The following PTCD1 variants were observed in gnomAD, a reference collection of about 807,000 sequenced individuals.
The protein encoded by PTCD1 is pentatricopeptide repeat domain 1, also known as pentatricopeptide repeat-containing protein 1, mitochondrial.
Under a neutral mutation model 53.4 loss-of-function variants are expected in PTCD1, and 50 were observed. The observed-to-expected ratio is 0.94, with a 90% CI of 0.75 to 1.19. The LOEUF is 1.19. PTCD1 is among the 50% of genes most tolerant of loss of function. The probability of loss-of-function intolerance (pLI) is 0.00; values close to 1 mark genes in which losing one functional copy is unlikely to be tolerated. For missense variants in PTCD1, 918 were observed against 904.8 expected (o/e 1.01, Z -0.19); for synonymous variants, 413 against 394.8 (o/e 1.05, Z -0.55).
chr7:99,432,927 T>G (rs187694028), intron 3 of PTCD1: 181 of 399,946 alleles, frequency 4.5e-4, no homozygotes, highest in African/African-American at 3.5e-3. Flanking sequence ...TACACACCTG[T>G]GCTCACAGCT....
chr7:99,419,258 CAAGG>C lies in PTCD1; in HGVS notation c.*705_*708del, dbSNP rs1336426642. The C allele has an allele frequency of 5.3e-6, 6 of 1,126,332 alleles. No individual in the cohort carries two copies. The highest frequency in any genetic ancestry group is 7.8e-6 in the Non-Finnish European group (6 of 768,146). 69.8% of individuals were successfully genotyped at this position (1,126,332 alleles called of 1,614,324 possible). The stretch of plus-strand genomic sequence containing the variant: ...CCAAATTTTCCCTGTCCAGAGCTGT[CAAGG>C]AAGGGTTTCTGAGGTGTGTCCCTAT... On this transcript the variant is annotated 3_prime_UTR_variant, in exon 8 of 8. Transcript: ENST00000292478.
chr7:99,431,331 T>C (rs1796241647), intron 3 of PTCD1, among the ~76,000 whole-genome samples: 1 of 151,934 alleles, frequency 6.6e-6, no homozygotes. Context: ...GGTTTCACCA[T>C]GTTGGCCAGG....
chr7:99,429,454 ACCCCAGGG>A, intron 4 of PTCD1, 126 bp downstream of exon 4: 11 of 1,362,142 alleles, frequency 8.1e-6, no homozygotes, highest in Non-Finnish European at 1.1e-5. Flanking sequence ...CCATCTGTGA[ACCCCAGGG>A]CCCAATACCG....
At chr7:99,424,237 C>T (rs1795933040) in intron 6 of PTCD1, among the ~76,000 whole-genome samples, 2 of 152,348 alleles carry the variant, frequency 1.3e-5, no homozygotes, top group Middle Eastern at 6.8e-3. Flanking sequence ...TCCTTGCTCC[C>T]TGGGGTGGGC....
chr7:99,426,262 G>A (rs1796018772), intron 5 of PTCD1, among the ~76,000 whole-genome samples: 1 of 151,876 alleles, frequency 6.6e-6, no homozygotes, highest in South Asian at 2.1e-4. Flanking sequence ...TGTAACTGCT[G>A]CCATCTCGGC....
In PTCD1 at chr7:99,425,152, G is replaced by GGTGGTCACCGTTCCAAAGGAGACCACT. The variant is rs1795968104; in HGVS notation, c.1353_1379dup (p.Val452_Thr460dup). ...CTATCAAGGCCAGCCGGTCAGCTGG[G>GGTGGTCACCGTTCCAAAGGAGACCACT]GTGGTCACCGTTCCAAAGGAGACCA... On this transcript the variant is annotated inframe_insertion, in exon 6 of 8. Coordinates refer to ENST00000292478, the MANE Select transcript of PTCD1 (RefSeq NM_015545.4). The GGTGGTCACCGTTCCAAAGGAGACCACT allele has an allele frequency of 6.2e-7, 1 of 1,613,900 alleles. No individual in the cohort carries two copies. Among genetic ancestry groups the GGTGGTCACCGTTCCAAAGGAGACCACT allele is most frequent in the African/African-American group, 1.3e-5 (1 of 74,932 alleles).
chr7:99,434,899 C>T lies in PTCD1; in HGVS notation c.344G>A (p.Gly115Glu). Residue 115 changes from glycine (G) to glutamate (E), a missense_variant, in exon 2 of 8, where the codon GGG (glycine) becomes GAG (glutamate). Physicochemically the swap from Gly to Glu is moderately conservative, Grantham distance 98 (BLOSUM62 -2). Transcript: ENST00000292478. ...TTCCATTTGCTCATCTCTCCGTTCC[C>T]CAAACCGCAGGTTATGGAACTGGGC... ...SAAQFHNLRF[G>E]ERRDEQMEPE... The T allele has an allele frequency of 6.2e-7, 1 of 1,614,226 alleles. No individual in the cohort carries two copies. The highest frequency in any genetic ancestry group is 2.2e-5 in the East Asian group (1 of 44,888).
chr7:99,433,040 GT>G (rs1315465198), intron 3 of PTCD1: 119 of 590,934 alleles, frequency 2.0e-4, no homozygotes, highest in Middle Eastern at 4.6e-4. Context: ...GGCTCCCTCT[GT>G]TTTTTTTTGA....
chr7:99,432,943 C>A (rs1470999105), intron 3 of PTCD1: 3 of 420,724 alleles, frequency 7.1e-6, no homozygotes, highest in South Asian at 4.3e-5. Context: ...CAGCTACTGG[C>A]GAGGCTGAGG....
At chr7:99,435,977 G>A (rs1796452175) in intron 1 of PTCD1, among the ~76,000 whole-genome samples, 1 of 151,662 alleles carries the variant, frequency 6.6e-6, no homozygotes, top group Non-Finnish European at 1.5e-5. Context: ...AAGAAGTATG[G>A]GCCCAGAGGT....
Position 99,419,944 on chromosome 7 carries a change from A to G in PTCD1, c.*23T>C. 2 of 1,613,950 alleles carry G rather than the reference A, an allele frequency of 1.2e-6. No individual in the cohort carries two copies. Among genetic ancestry groups the G allele is most frequent in the Non-Finnish European group, 1.7e-6 (2 of 1,179,996 alleles). On this transcript the variant is annotated 3_prime_UTR_variant, in exon 8 of 8. Transcript: ENST00000292478. ...TCCCACAGAGCACTGGGGGCCGAGC[A>G]CATTGTTCCAGCTGTGCTCCCATCA...
At chr7:99,436,049 G>C (rs983550997) in intron 1 of PTCD1, among the ~76,000 whole-genome samples, 3 of 152,022 alleles carry the variant, frequency 2.0e-5, no homozygotes, top group African/African-American at 7.2e-5. Context: ...GTGCTCAAGC[G>C]ATCCTCCCAT....
Position 99,429,106 on chromosome 7 carries a change from G to A in PTCD1, c.912C>T (p.Leu304=). 1.9e-6 allele frequency: 3 copies of A among 1,614,166 alleles called. No homozygotes were observed. The highest frequency in any genetic ancestry group is 2.5e-6 in the Non-Finnish European group (3 of 1,180,018). ...QDKKTGFRYA[L]QVWRLMLSLG... ...AGGTGGGGTGGGAGGGACATACCTG[G>A]AGGGCGTACCGGAAGCCTGTCTTCT... Residue 304 remains leucine (L), a synonymous_variant, in exon 5 of 8, where the codon CTC becomes CTT. Coordinates refer to ENST00000292478, the MANE Select transcript of PTCD1 (RefSeq NM_015545.4).
intron 1 of PTCD1, among the ~76,000 whole-genome samples, chr7:99,436,450 G>A (rs1796468452): frequency 6.6e-6 from 1 of 152,108 alleles, no homozygotes; most frequent in African/African-American, 2.4e-5. Context: ...CCCTATCTCT[G>A]CCGAAAATAT....
chr7:99,421,984 T>C (rs770787208), intron 7 of PTCD1, among the ~76,000 whole-genome samples: 1 of 152,180 alleles, frequency 6.6e-6, no homozygotes, highest in Non-Finnish European at 1.5e-5. Flanking sequence ...TTTAGGTCTA[T>C]GATAGTCTTG....
chr7:99,437,310 A>ATTTAT (rs1170501282), intron 1 of PTCD1, among the ~76,000 whole-genome samples: 2 of 151,854 alleles, frequency 1.3e-5, no homozygotes, highest in Non-Finnish European at 2.9e-5. Context: ...CCCTATCATA[A>ATTTAT]TTTCTTTTCT....
intron 6 of PTCD1, 34 bp downstream of exon 6, chr7:99,424,761 C>G: frequency 2.5e-6 from 4 of 1,612,484 alleles, no homozygotes; most frequent in Non-Finnish European, 3.4e-6. Context: ...TCCTGAGCAC[C>G]ATGGGTGTCC....
intron 7 of PTCD1, among the ~76,000 whole-genome samples, chr7:99,421,828 G>A (rs778148162): frequency 2.0e-5 from 3 of 152,142 alleles, no homozygotes; most frequent in Non-Finnish European, 2.9e-5. Flanking sequence ...TTATGCAAAA[G>A]TGATATACAT....
chr7:99,423,612 G>A (rs541824350), intron 7 of PTCD1, among the ~76,000 whole-genome samples, 163 bp downstream of exon 7: 185 of 152,180 alleles, frequency 1.2e-3, no homozygotes, highest in Non-Finnish European at 5.3e-4. Flanking sequence ...ACAGGGACTC[G>A]CAGGCTGTGG....
Sources: allele counts gnomAD v4.1 joint callset (sites outside exome capture counted in the v4.1 genomes callset), GRCh38; gene constraint gnomAD v4.1.1; transcripts MANE v1.5; gene names NCBI Gene and HGNC (gene_info 2026-07-23, HGNC 2026-07-21).